CAMKMT: variants seen among roughly 807,000 people sequenced by gnomAD.
CAMKMT encodes the protein CaM KMT.
In CAMKMT, 53 loss-of-function variants were observed where a neutral mutation model predicts 48.0. That is an observed-to-expected ratio of 1.10 (90% CI 0.89 to 1.39). CAMKMT has a LOEUF of 1.39. CAMKMT is among the 40% of genes most tolerant of loss of function. The probability of loss-of-function intolerance (pLI) is 0.00; values close to 1 mark genes in which losing one functional copy is unlikely to be tolerated. For missense variants in CAMKMT, 428 were observed against 402.7 expected, an observed-to-expected ratio of 1.06 and a Z score of -0.54; for synonymous variants, 165 against 152.3, an observed-to-expected ratio of 1.08 and a Z score of -0.61.
At chr2:44,544,419 T>C (rs537404036) in intron 3 of CAMKMT, among the ~76,000 whole-genome samples, 1 of 152,334 alleles carries the variant, frequency 6.6e-6, no homozygotes, top group South Asian at 2.1e-4. Context: ...AATACAGTGT[T>C]AATTAAGCCA....
intron 3 of CAMKMT, among the ~76,000 whole-genome samples, chr2:44,553,483 C>T (rs1365700868): frequency 6.6e-6 from 1 of 152,010 alleles, no homozygotes; most frequent in East Asian, 1.9e-4. Context: ...GTCTAAGACT[C>T]CTGAGTAGCT....
chr2:44,440,626 T>TTC (rs5830790), intron 3 of CAMKMT, among the ~76,000 whole-genome samples: 11,219 of 152,176 alleles, frequency 0.074, 565 homozygotes, highest in Admixed American at 0.17. Flanking sequence ...CATTTCACAT[T>TTC]TCAATGCACA....
At chr2:44,437,814 A>G (rs1666364354) in intron 3 of CAMKMT, among the ~76,000 whole-genome samples, 1 of 145,426 alleles carries the variant, frequency 6.9e-6, no homozygotes, top group Non-Finnish European at 1.5e-5. Flanking sequence ...ACTTTGGCTC[A>G]GGCAACAGAG....
chr2:44,406,723 A>G (rs1350502722), intron 3 of CAMKMT, among the ~76,000 whole-genome samples: 2 of 152,148 alleles, frequency 1.3e-5, no homozygotes, highest in East Asian at 1.9e-4. Context: ...CAGCCTCCCA[A>G]GTAGCTGGGA....
In CAMKMT at chr2:44,772,191, G is replaced by C; in HGVS notation, c.*78G>C. On this transcript the variant is annotated 3_prime_UTR_variant, in exon 11 of 11. Transcript: ENST00000378494. ...TTTACAAAAACGGAAATCTGTAAGGGGTATAATCGCCTGCCTGCGCCCTTT... is the reference window on the plus strand; with the variant it reads ...TTTACAAAAACGGAAATCTGTAAGGCGTATAATCGCCTGCCTGCGCCCTTT... 8.1e-7 allele frequency: 1 copy of C among 1,241,520 alleles called. No individual in the cohort carries two copies. Among genetic ancestry groups the C allele is most frequent in the Admixed American group, 1.8e-5 (1 of 56,162 alleles). The allele number at this position is 1,241,520 out of a possible 1,614,324, so 76.9% of individuals were successfully genotyped here.
chr2:44,681,576 A>C (rs947923729), intron 3 of CAMKMT, among the ~76,000 whole-genome samples: 6 of 144,096 alleles, frequency 4.2e-5, no homozygotes, highest in African/African-American at 1.6e-4. Context: ...GGGAATGGGG[A>C]AGAAGAAGCA....
intron 3 of CAMKMT, among the ~76,000 whole-genome samples, chr2:44,645,682 A>G (rs1673693114): frequency 6.6e-6 from 1 of 152,048 alleles, no homozygotes; most frequent in Non-Finnish European, 1.5e-5. Flanking sequence ...TTAGCCAGTC[A>G]TGGTGGCAGG....
intron 3 of CAMKMT, among the ~76,000 whole-genome samples, chr2:44,426,018 A>G (rs1684257865): frequency 6.6e-6 from 1 of 152,252 alleles, no homozygotes; most frequent in Admixed American, 6.5e-5. Context: ...GGCGTGAGCC[A>G]CTGTGCCCAG....
chr2:44,543,809 C>T (rs538712505), intron 3 of CAMKMT, among the ~76,000 whole-genome samples: 128 of 152,288 alleles, frequency 8.4e-4, no homozygotes, highest in African/African-American at 2.9e-3. Flanking sequence ...TGTATCCTCA[C>T]TTATGAAAGC....
chr2:44,762,869 C>T (rs1680675192), intron 9 of CAMKMT, among the ~76,000 whole-genome samples: 1 of 152,260 alleles, frequency 6.6e-6, no homozygotes, highest in African/African-American at 2.4e-5. Flanking sequence ...GTGTTACATT[C>T]AATTGAGTAT....
Position 44,435,845 on chromosome 2 carries a change from T to A in CAMKMT, c.376+45540T>A, listed in dbSNP as rs537516708. On this transcript the variant is annotated intron_variant, in intron 3 of 10. Coordinates refer to ENST00000378494, the MANE Select transcript of CAMKMT (RefSeq NM_024766.5). Reference sequence around the variant, plus strand: ...AGTTCATAGTTTACCAAGTTGTATATCTTCCTTTTGGAGGTAGTCTTTGTC... The same window carrying A: ...AGTTCATAGTTTACCAAGTTGTATAACTTCCTTTTGGAGGTAGTCTTTGTC... Among the ~76,000 whole-genome samples the A allele has an allele frequency of 4.6e-5, 7 of 152,362 alleles. No homozygotes were observed. The South Asian group carries it at 1.2e-3, about 27-fold the overall frequency.
intron 3 of CAMKMT, among the ~76,000 whole-genome samples, chr2:44,431,377 ACTTTTTTCC>A (rs1056340510): frequency 2.6e-5 from 4 of 152,160 alleles, no homozygotes; most frequent in African/African-American, 9.7e-5. Context: ...TGTATAAATG[ACTTTTTTCC>A]CTTTTTGTTA....
intron 3 of CAMKMT, chr2:44,457,084 A>G (rs1237557683): frequency 6.6e-6 from 1 of 152,308 alleles, no homozygotes; most frequent in Non-Finnish European, 1.5e-5. Context: ...CATATGATTC[A>G]AAGTTCAAAA....
At chr2:44,424,390 A>G (rs1167791617) in intron 3 of CAMKMT, among the ~76,000 whole-genome samples, 2 of 152,116 alleles carry the variant, frequency 1.3e-5, no homozygotes, top group Non-Finnish European at 2.9e-5. Context: ...TAAGGGGTCC[A>G]TGTGAAAGGG....
intron 3 of CAMKMT, among the ~76,000 whole-genome samples, chr2:44,523,422 A>T (rs1357493277): frequency 4.0e-5 from 6 of 151,574 alleles, no homozygotes; most frequent in African/African-American, 1.5e-4. Context: ...CCTCCTGAGT[A>T]GCTGGGATTA....
At chr2:44,648,605 A>G (rs1334391016) in intron 3 of CAMKMT, among the ~76,000 whole-genome samples, 2 of 152,214 alleles carry the variant, frequency 1.3e-5, no homozygotes, top group Non-Finnish European at 1.5e-5. Flanking sequence ...CCTTTTAAAG[A>G]CCATACACAG....
intron 8 of CAMKMT, among the ~76,000 whole-genome samples, chr2:44,748,800 C>T (rs1680027367): frequency 1.3e-5 from 2 of 152,072 alleles, no homozygotes; most frequent in South Asian, 4.2e-4. Context: ...TGGCATGAAC[C>T]CGGGAGGCGG....
Position 44,446,559 on chromosome 2 carries a change from T to A in CAMKMT, c.376+56254T>A, listed in dbSNP as rs570794988. On this transcript the variant is annotated intron_variant, in intron 3 of 10. Transcript: ENST00000378494. ...CGGGGTTTTGCCATGTTGGCCAGGC[T>A]GGTCTTGAACTCCTGGCCTCAAGTG... Among the ~76,000 whole-genome samples the A allele has an allele frequency of 4.6e-5, 7 of 152,256 alleles. No homozygotes were observed. The East Asian group carries it at 1.2e-3, about 25-fold the overall frequency.
chr2:44,538,503 T>A (rs1666906019), intron 3 of CAMKMT, among the ~76,000 whole-genome samples: 1 of 152,222 alleles, frequency 6.6e-6, no homozygotes, highest in Admixed American at 6.5e-5. Flanking sequence ...GGCCATTTTT[T>A]AAGTGAACTA....
Sources: gnomAD v4.1 joint callset for allele counts (sites outside exome capture counted in the v4.1 genomes callset) on GRCh38, gnomAD v4.1.1 for gene constraint, MANE v1.5 for transcripts, NCBI Gene and HGNC (gene_info 2026-07-23, HGNC 2026-07-21) for gene names.